The following TOR3A variants were observed in gnomAD, a reference collection of about 807,000 sequenced individuals.
TOR3A encodes torsin family 3 member A, also known as torsin-3A.
Under a neutral mutation model 42.1 loss-of-function variants are expected in TOR3A, and 44 were observed. The observed-to-expected ratio is 1.04, with a 90% CI of 0.82 to 1.34. TOR3A has a LOEUF of 1.34. Among genes scored for constraint, TOR3A ranks in the 40% most tolerant of loss-of-function variants. The pLI is 0.00. For missense variants in TOR3A, 521 were observed against 507.6 expected, an observed-to-expected ratio of 1.03 and a Z score of -0.25; for synonymous variants, 227 against 213.2, an observed-to-expected ratio of 1.06 and a Z score of -0.57.
chr1:179,095,127 A>G lies in TOR3A; in HGVS notation c.1103A>G (p.Gln368Arg). 2 of 1,614,248 alleles carry G rather than the reference A, an allele frequency of 1.2e-6. No individual in the cohort carries two copies. The highest frequency in any genetic ancestry group is 1.7e-6 in the Non-Finnish European group (2 of 1,180,042). The change falls in exon 6 of 6, where the codon CAG (glutamine) becomes CGG (arginine). Residue 368 changes from glutamine to arginine, a missense_variant. Physicochemically the swap from Gln to Arg is conservative, Grantham distance 43. Transcript: ENST00000367627. Reference protein sequence around the residue: ...YKEETLDEIAQMMVYVPKEEQ... With the variant: ...YKEETLDEIARMMVYVPKEEQ... ...GAAGAGACACTGGATGAAATAGCCC[A>G]GATGATGGTGTATGTCCCCAAGGAG...
chr1:179,082,185 C>A lies in TOR3A; in HGVS notation c.57C>A (p.Gly19=), dbSNP rs748117311. ...LWLFFLLLLP[G]APEPRGASRP... Reference sequence around the variant, plus strand: ...TCTTTTTCCTGCTGCTGCTCCCGGGCGCGCCTGAGCCCCGCGGCGCCTCCA... The same window carrying A: ...TCTTTTTCCTGCTGCTGCTCCCGGGAGCGCCTGAGCCCCGCGGCGCCTCCA... Residue 19 remains glycine, a synonymous_variant, in exon 1 of 6, where the codon GGC becomes GGA. Transcript: ENST00000367627. 1.3e-6 allele frequency: 2 copies of A among 1,505,802 alleles called. No homozygotes were observed. The highest frequency in any genetic ancestry group is 4.3e-5 in the Admixed American group (2 of 46,850). The allele number at this position is 1,505,802 out of a possible 1,614,324, so 93.3% of individuals were successfully genotyped here.
chr1:179,094,357 C>A, intron 5 of TOR3A, 140 bp downstream of exon 5: 2 of 1,117,088 alleles, frequency 1.8e-6, no homozygotes, highest in Non-Finnish European at 2.4e-6. Context: ...CATTGTCAAC[C>A]CTGGGTGGGC....
chr1:179,089,435 T>C (rs998811228), intron 4 of TOR3A, among the ~76,000 whole-genome samples: 4 of 151,832 alleles, frequency 2.6e-5, no homozygotes, highest in African/African-American at 9.7e-5. Context: ...TTAAAATGCA[T>C]TGCGAAGTGG....
intron 2 of TOR3A, 135 bp from the exon 3 acceptor site, chr1:179,085,493 T>G: frequency 8.8e-7 from 1 of 1,141,220 alleles, no homozygotes; most frequent in Non-Finnish European, 1.3e-6. Flanking sequence ...GGCTTCTTAT[T>G]CTAAGGCCAA....
rs1557890065 is a variant in TOR3A, at chr1:179,095,099, A to G, written c.1075A>G (p.Lys359Glu). 3.1e-6 allele frequency: 5 copies of G among 1,614,214 alleles called. No homozygotes were observed. In the South Asian group the frequency reaches 4.4e-5, roughly 14 times the overall value. Residue 359 changes from lysine to glutamate, a missense_variant, in exon 6 of 6, where the codon AAA (lysine) becomes GAA (glutamate). By Grantham distance (56) the Lys-to-Glu change is moderately conservative (BLOSUM62 1). Transcript: ENST00000367627. ...CTTCCTGAGCCAGGAGCTCCTGTAT[A>G]AAGAAGAGACACTGGATGAAATAGC... ...DAFLSQELLY[K>E]EETLDEIAQM... is the part of the protein sequence containing the mutation.
At chr1:179,094,034 A>T in intron 4 of TOR3A, 59 bp from the exon 5 acceptor site, 7 of 1,580,296 alleles carry the variant, frequency 4.4e-6, no homozygotes, top group Non-Finnish European at 5.2e-6. Context: ...CAGCGGTGAG[A>T]TAACATATAT....
chr1:179,090,261 C>T (rs549259146), intron 4 of TOR3A, among the ~76,000 whole-genome samples: 2 of 152,328 alleles, frequency 1.3e-5, no homozygotes, highest in African/African-American at 4.8e-5. Flanking sequence ...TGGGCCTGTG[C>T]CCAGCCTTTA....
intron 3 of TOR3A, 127 bp from the exon 4 acceptor site, chr1:179,087,784 C>G (rs372362065): frequency 5.0e-6 from 4 of 804,700 alleles, no homozygotes; most frequent in Non-Finnish European, 5.6e-6. Context: ...TAGGTTCTGG[C>G]GGGGGGCGGG....
At chr1:179,088,660 C>G (rs569018351) in intron 4 of TOR3A, among the ~76,000 whole-genome samples, 39 of 152,350 alleles carry the variant, frequency 2.6e-4, no homozygotes, top group African/African-American at 9.4e-4. Context: ...GAAACCCATG[C>G]TTCCTCTGAG....
At chr1:179,084,868 G>A (rs1652386895) in intron 2 of TOR3A, among the ~76,000 whole-genome samples, 1 of 152,214 alleles carries the variant, frequency 6.6e-6, no homozygotes, top group African/African-American at 2.4e-5. Flanking sequence ...CGTCTGACAG[G>A]AGGAAGTTAG....
At chr1:179,087,627 G>T (rs866041104) in intron 3 of TOR3A, among the ~76,000 whole-genome samples, 12 of 152,212 alleles carry the variant, frequency 7.9e-5, no homozygotes, top group African/African-American at 2.9e-4. Context: ...AGGGCAGAAG[G>T]GCTTCTCCCC....
In TOR3A at chr1:179,095,006, C is replaced by T. The variant is rs1175863517; in HGVS notation, c.982C>T (p.Leu328=). 1 of 1,614,088 alleles carries T rather than the reference C, an allele frequency of 6.2e-7. No individual in the cohort carries two copies. The highest frequency in any genetic ancestry group is 1.3e-5 in the African/African-American group (1 of 74,932). Residue 328 remains leucine (L), a synonymous_variant, in exon 6 of 6, where the codon CTG becomes TTG. Transcript: ENST00000367627. ...FGHSRLVKEN[L]IDYFIPFLPL... Reference sequence around the variant, plus strand: ...CCACAGCCGTCTTGTGAAGGAAAACCTGATTGACTACTTCATCCCCTTCCT... The same window carrying T: ...CCACAGCCGTCTTGTGAAGGAAAACTTGATTGACTACTTCATCCCCTTCCT...
Position 179,082,995 on chromosome 1 carries a change from C to T in TOR3A, c.315C>T (p.Tyr105=), listed in dbSNP as rs1404032197. ...QRYLDLLTTW[Y]CSFKDCCPRG... ...ACCTGGACCTCCTGACCACGTGGTA[C>T]TGCAGCTTCAAAGACTGCTGCCCTA... The change falls in exon 2 of 6, where the codon TAC becomes TAT. Residue 105 remains tyrosine (Y), a synonymous_variant. Transcript: ENST00000367627. 6.3e-7 allele frequency: 1 copy of T among 1,590,210 alleles called. No individual in the cohort carries two copies. Among genetic ancestry groups the T allele is most frequent in the South Asian group, 1.1e-5 (1 of 87,084 alleles).
intron 5 of TOR3A, 108 bp downstream of exon 5, chr1:179,094,325 A>T: frequency 7.3e-7 from 1 of 1,374,840 alleles, no homozygotes; most frequent in East Asian, 2.5e-5. Context: ...GGGAACACAG[A>T]GGGCAGACTA....
Position 179,094,129 on chromosome 1 carries a change from A to C in TOR3A, c.855A>C (p.Leu285=), listed in dbSNP as rs748675408. The C allele has an allele frequency of 6.2e-7, 1 of 1,614,078 alleles. No individual in the cohort carries two copies. The highest frequency in any genetic ancestry group is 1.1e-5 in the South Asian group (1 of 91,078). Residue 285 remains leucine (L), a synonymous_variant, in exon 5 of 6, where the codon CTA becomes CTC. Transcript: ENST00000367627. The part of the protein sequence containing the change: ...LRGDIINEVV[L]KLLKAGWSRE... ...GCGATATAATCAATGAGGTGGTCCT[A>C]AAGTTGCTCAAGGCTGGATGGTCCC...
intron 2 of TOR3A, among the ~76,000 whole-genome samples, chr1:179,084,208 C>T (rs1463951943): frequency 1.3e-5 from 2 of 151,848 alleles, no homozygotes; most frequent in African/African-American, 2.4e-5. Flanking sequence ...CCCAAGTGTC[C>T]GTTTCCTCAG....
chr1:179,086,703 CT>C (rs1652448338), intron 3 of TOR3A, among the ~76,000 whole-genome samples: 1 of 150,772 alleles, frequency 6.6e-6, no homozygotes, highest in Non-Finnish European at 1.5e-5. Context: ...CCTATCCTAT[CT>C]TACCTGATTT....
chr1:179,082,840 G>T, intron 1 of TOR3A, 100 bp from the exon 2 acceptor site: 1 of 809,328 alleles, frequency 1.2e-6, no homozygotes, highest in East Asian at 2.7e-5. Context: ...TCTGAGTTCT[G>T]GGTGTCCCTC....
At chr1:179,086,821 G>A (rs1022269591) in intron 3 of TOR3A, among the ~76,000 whole-genome samples, 1 of 152,226 alleles carries the variant, frequency 6.6e-6, no homozygotes, top group African/African-American at 2.4e-5. Context: ...CAGCCATGTA[G>A]TATTGAAAAC....
Sources: allele counts gnomAD v4.1 joint callset (sites outside exome capture counted in the v4.1 genomes callset), GRCh38; gene constraint gnomAD v4.1.1; transcripts MANE v1.5; gene names NCBI Gene and HGNC (gene_info 2026-07-23, HGNC 2026-07-21).